SRRT: variants seen among roughly 807,000 people sequenced by gnomAD.
SRRT encodes the protein serrate RNA effector molecule homolog.
In SRRT, 32 loss-of-function variants were observed where a neutral mutation model predicts 103.2. That is an observed-to-expected ratio of 0.31 (90% CI 0.23 to 0.42). The LOEUF (loss-of-function observed/expected upper bound fraction) is 0.42. SRRT is among the 10% of genes least tolerant of loss of function. The pLI is 1.00. For missense variants in SRRT, 986 were observed against 1,207.5 expected (o/e 0.82, Z 2.72); for synonymous variants, 525 against 449.0 (o/e 1.17, Z -2.14).
Position 100,884,811 on chromosome 7 carries a change from A to G in SRRT, c.1014A>G (p.Lys338=). The change falls in exon 8 of 20, where the codon AAA becomes AAG. Residue 338 remains lysine, a synonymous_variant. Coordinates refer to ENST00000611405, the MANE Select transcript of SRRT (RefSeq NM_015908.6). ...GTGATGGGGACAAGGAAGAGAAGAA[A>G]GAAGACTCCGAGAAGGAAGCCAAAA... ...SEGDGDKEEK[K]EDSEKEAKKS... The G allele has an allele frequency of 1.2e-6, 2 of 1,614,064 alleles. No homozygotes were observed. Among genetic ancestry groups the G allele is most frequent in the South Asian group, 2.2e-5 (2 of 91,080 alleles).
chr7:100,876,481 C>T lies in SRRT; in HGVS notation c.122+769C>T, dbSNP rs539871674. On this transcript the variant is annotated intron_variant, in intron 2 of 19. Transcript: ENST00000611405. Reference sequence around the variant, plus strand: ...TATTTTTTGTAGAGACAGCGTCTTGCTCTGTTGCCCAGGTTGTAAATTATA... The same window carrying T: ...TATTTTTTGTAGAGACAGCGTCTTGTTCTGTTGCCCAGGTTGTAAATTATA... Among the ~76,000 whole-genome samples, 3 of 152,272 alleles carry T rather than the reference C, an allele frequency of 2.0e-5. No homozygotes were observed. The South Asian group carries it at 6.2e-4, about 32-fold the overall frequency.
intron 12 of SRRT, 151 bp from the exon 13 acceptor site, chr7:100,886,096 G>C (rs774857267): frequency 2.4e-6 from 3 of 1,257,244 alleles, no homozygotes; most frequent in South Asian, 2.8e-5. Flanking sequence ...GCTCTAGGGC[G>C]TTAGCATGGA....
At chr7:100,877,530 AT>A (rs970257010) in intron 2 of SRRT, among the ~76,000 whole-genome samples, 4 of 150,308 alleles carry the variant, frequency 2.7e-5, no homozygotes, top group African/African-American at 4.9e-5. Context: ...TTTTAAAAAA[AT>A]TTTTTTTTGA....
chr7:100,879,558 T>C (rs563309331), intron 2 of SRRT, among the ~76,000 whole-genome samples: 6 of 152,340 alleles, frequency 3.9e-5, no homozygotes, highest in Middle Eastern at 3.4e-3. Context: ...CATAAAAACA[T>C]GTAATGTGTT....
chr7:100,886,782 T>G lies in SRRT; in HGVS notation c.1648-13T>G. On this transcript the variant is annotated splice_polypyrimidine_tract_variant and intron_variant, in intron 13 of 19. Coordinates refer to ENST00000611405, the MANE Select transcript of SRRT (RefSeq NM_015908.6). ...GTCTTCTCTGCCTTACTTGCTTCTC[T>G]TCCTCCCATCAGAGCCTGCCCTCGC... is the stretch of plus-strand genomic sequence containing the variant. 1 of 1,614,004 alleles carries G rather than the reference T, an allele frequency of 6.2e-7. No homozygotes were observed. Among genetic ancestry groups the G allele is most frequent in the Non-Finnish European group, 8.5e-7 (1 of 1,179,948 alleles).
rs1331198215 is a variant in SRRT, at chr7:100,884,082, G to A, written c.600G>A (p.Lys200=). The change falls in exon 6 of 20, where the codon AAG becomes AAA. Residue 200 remains lysine, a synonymous_variant. Transcript: ENST00000611405. ...AHKDEEWFRS[K]YHPDEVGKRR... The stretch of plus-strand genomic sequence containing the variant: ...GCTTCGTTCCCAGGTTTCGGTCTAA[G>A]TACCACCCAGATGAGGTGGGGAAGC... 2 of 1,592,758 alleles carry A rather than the reference G, an allele frequency of 1.3e-6. No homozygotes were observed. The highest frequency in any genetic ancestry group is 1.7e-6 in the Non-Finnish European group (2 of 1,173,858).
At chr7:100,878,500 A>G (rs531436271) in intron 2 of SRRT, among the ~76,000 whole-genome samples, 2 of 152,336 alleles carry the variant, frequency 1.3e-5, no homozygotes, top group African/African-American at 4.8e-5. Context: ...GCAGCAGAGA[A>G]AGAAATATTC....
chr7:100,879,705 G>A (rs1366195540), intron 2 of SRRT, among the ~76,000 whole-genome samples: 1 of 152,012 alleles, frequency 6.6e-6, no homozygotes, highest in Non-Finnish European at 1.5e-5. Context: ...AGTATTAAGG[G>A]GCTGAGGCAG....
Position 100,884,443 on chromosome 7 carries a change from G to A in SRRT, c.833G>A (p.Gly278Glu). The A allele has an allele frequency of 1.9e-6, 3 of 1,613,930 alleles. No homozygotes were observed. The highest frequency in any genetic ancestry group is 8.5e-7 in the Non-Finnish European group (1 of 1,179,946). ...CAGGAGGAGGAGGAGGAGCAGGCAG[G>A]AAAGCCTGGGGAGCCCAGCAAGAAA... ...LEQEEEEEQA[G>E]KPGEPSKKEE... The change falls in exon 7 of 20, where the codon GGA (glycine) becomes GAA (glutamate). Residue 278 changes from glycine (G) to glutamate (E), a missense_variant. Transcript: ENST00000611405.
At position 100,884,871 on chromosome 7, in the gene SRRT, G is replaced by A. The variant is rs367857711; in HGVS notation, c.1041+33G>A. ...GTCTGTGGCCTGGGGTCAGAGTGTTGGGGCTGGGGTTCTGGCACGCTGACT... is the reference window on the plus strand; with the variant it reads ...GTCTGTGGCCTGGGGTCAGAGTGTTAGGGCTGGGGTTCTGGCACGCTGACT... On this transcript the variant is annotated intron_variant, in intron 8 of 19. Transcript: ENST00000611405. The A allele has an allele frequency of 2.5e-6, 4 of 1,613,544 alleles. No homozygotes were observed. The African/African-American group carries it at 4.0e-5, about 16-fold the overall frequency.
rs769112473 is a variant in SRRT at position 100,885,113 on chromosome 7, C to T, written c.1159+73C>T. 3.8e-5 allele frequency: 61 copies of T among 1,602,926 alleles called. No homozygotes were observed. Among genetic ancestry groups the T allele is most frequent in the Admixed American group, 6.7e-5 (4 of 59,416 alleles). On this transcript the variant is annotated intron_variant, in intron 9 of 19. Coordinates refer to ENST00000611405, the MANE Select transcript of SRRT (RefSeq NM_015908.6). This position sits in a 1 kb window ranked among gnomAD's most constrained non-coding sequence, Gnocchi z 4.8. ...GGAGGTGAGAGGTTGGCGACATTGA[C>T]GGGAGGGTGGGTGGCTTTTAGGGGA... is the stretch of plus-strand genomic sequence containing the variant.
chr7:100,888,082 C>G lies in SRRT; in HGVS notation c.2367C>G (p.His789Gln), dbSNP rs1365755351. ...PGLTPGLPYP[H>Q]QTPQGLMPYG... The stretch of plus-strand genomic sequence containing the variant: ...TGACCCCAGGACTCCCCTACCCACA[C>G]CAGACTCCCCAGGGCCTGATGCCCT... The change falls in exon 18 of 20, where the codon CAC becomes CAG. Residue 789 changes from histidine to glutamine, a missense_variant. Around this residue, in one of 6 missense-constraint regions of SRRT, gnomAD observed 178 missense variants for 189.6 expected, o/e 0.94. Coordinates refer to ENST00000611405, the MANE Select transcript of SRRT (RefSeq NM_015908.6). The G allele has an allele frequency of 1.9e-6, 3 of 1,603,182 alleles. No homozygotes were observed. The Admixed American group carries it at 5.2e-5, about 28-fold the overall frequency.
rs1480210916 is a variant in SRRT at position 100,887,203 on chromosome 7, G to A, written c.1975+3G>A. On this transcript the variant is annotated splice_donor_region_variant and intron_variant, in intron 15 of 19. Transcript: ENST00000611405. The surrounding 1 kb of genome is among the most constrained non-coding windows in gnomAD (Gnocchi z 4.1). ...CAACCGCATCAGTCACGGGGAAGGT[G>A]AGCTCCAGGTTCCCCTTTGTTCCCG... is the stretch of plus-strand genomic sequence containing the variant. The A allele has an allele frequency of 3.7e-6, 6 of 1,614,136 alleles. No individual in the cohort carries two copies. Among genetic ancestry groups the A allele is most frequent in the South Asian group, 3.3e-5 (3 of 91,082 alleles).
intron 2 of SRRT, among the ~76,000 whole-genome samples, chr7:100,879,912 G>A (rs187936924): frequency 6.6e-6 from 1 of 152,298 alleles, no homozygotes; most frequent in Admixed American, 6.5e-5. Flanking sequence ...TGGTCGAGAG[G>A]CTGGAGTGAC....
Position 100,884,058 on chromosome 7 carries a change from C to T in SRRT, c.588-12C>T. On this transcript the variant is annotated splice_polypyrimidine_tract_variant and intron_variant, in intron 5 of 19. Coordinates refer to ENST00000611405, the MANE Select transcript of SRRT (RefSeq NM_015908.6). ...AACTGTTTTGTCTTTCCCTCCCCCG[C>T]TTCGTTCCCAGGTTTCGGTCTAAGT... 2 of 1,568,376 alleles carry T rather than the reference C, an allele frequency of 1.3e-6. No homozygotes were observed. The highest frequency in any genetic ancestry group is 1.2e-5 in the South Asian group (1 of 84,870).
chr7:100,886,801 C>T lies in SRRT; in HGVS notation c.1654C>T (p.Pro552Ser). Reference sequence around the variant, plus strand: ...CTTCTCTTCCTCCCATCAGAGCCTGCCCTCGCAAAACCCGATCTTGAAGAA... The same window carrying T: ...CTTCTCTTCCTCCCATCAGAGCCTGTCCTCGCAAAACCCGATCTTGAAGAA... The part of the protein sequence containing the change: ...PGTPPLPTSL[P>S]SQNPILKNIT... The change falls in exon 14 of 20, where the codon CCC (proline) becomes TCC (serine). Residue 552 changes from proline (P) to serine (S), a missense_variant. This residue lies in a region of SRRT where 349 missense variants were observed against 446.9 expected (regional missense o/e 0.78). Transcript: ENST00000611405. The T allele has an allele frequency of 6.2e-7, 1 of 1,614,104 alleles. No homozygotes were observed.
intron 2 of SRRT, among the ~76,000 whole-genome samples, chr7:100,878,939 TTTTC>T (rs1816020486): frequency 6.6e-6 from 1 of 151,910 alleles, no homozygotes; most frequent in Non-Finnish European, 1.5e-5. Flanking sequence ...CTTTCTTTCT[TTTTC>T]TTTCTTTTCT....
rs1790267409 is a variant in SRRT at position 100,887,622 on chromosome 7, G to GCTGGGAATCCTTCCAGCTCGGGC, written c.2170-74_2170-52dup. ...CTGCTTACTGCACTGGCAGGCGGGA[G>GCTGGGAATCCTTCCAGCTCGGGC]CTGGGAATCCTTCCAGCTCGGGCCT... On this transcript the variant is annotated intron_variant, in intron 16 of 19. Transcript: ENST00000611405. This position sits in a 1 kb window ranked among gnomAD's most constrained non-coding sequence, Gnocchi z 4.1. 6.3e-7 allele frequency: 1 copy of GCTGGGAATCCTTCCAGCTCGGGC among 1,575,862 alleles called. No homozygotes were observed. Among genetic ancestry groups the GCTGGGAATCCTTCCAGCTCGGGC allele is most frequent in the African/African-American group, 1.3e-5 (1 of 74,158 alleles).
rs1176699605 is a variant in SRRT, at chr7:100,887,759, A to T, written c.2226A>T (p.Glu742Asp). The T allele has an allele frequency of 6.2e-7, 1 of 1,613,600 alleles. No homozygotes were observed. The highest frequency in any genetic ancestry group is 8.5e-7 in the Non-Finnish European group (1 of 1,179,574). ...ACAAGCATGCAGAGAAAATTGAGGA[A>T]GTGAAAAAGGAAGTCGCGTTTTTTA... The part of the protein sequence containing the change: ...IFNKHAEKIE[E>D]VKKEVAFFNN... The change falls in exon 17 of 20, where the codon GAA (glutamate) becomes GAT (aspartate). Residue 742 changes from glutamate (E) to aspartate (D), a missense_variant. This residue lies in a region of SRRT where 178 missense variants were observed against 189.6 expected (regional missense o/e 0.94). Coordinates refer to ENST00000611405, the MANE Select transcript of SRRT (RefSeq NM_015908.6). This position sits in a 1 kb window ranked among gnomAD's most constrained non-coding sequence, Gnocchi z 4.1.
Sources: gnomAD v4.1 joint callset for allele counts (sites outside exome capture counted in the v4.1 genomes callset) on GRCh38, gnomAD v4.1.1 for gene constraint, gnomAD v4.1.1 regional missense constraint, Gnocchi (gnomAD v3.1) non-coding constraint, MANE v1.5 for transcripts, NCBI Gene and HGNC (gene_info 2026-07-23, HGNC 2026-07-21) for gene names.